KCNMB2: variants seen among roughly 807,000 people sequenced by gnomAD.
KCNMB2 encodes potassium calcium-activated channel subfamily M regulatory beta subunit 2, also known as calcium-activated potassium channel subunit beta-2.
KCNMB2 carries 9 observed loss-of-function variants against 24.5 expected under a neutral mutation model. That is an observed-to-expected ratio of 0.37 (90% CI 0.22 to 0.64). The LOEUF is 0.64. KCNMB2 is among the 30% of genes least tolerant of loss of function. The probability of loss-of-function intolerance (pLI) is 0.63; values close to 1 mark genes in which losing one functional copy is unlikely to be tolerated. For synonymous variants in KCNMB2, 109 were observed against 104.4 expected, an observed-to-expected ratio of 1.04 and a Z score of -0.27; for missense variants, 226 against 284.3, an observed-to-expected ratio of 0.79 and a Z score of 1.47.
intron 1 of KCNMB2, among the ~76,000 whole-genome samples, chr3:178,761,788 A>T (rs1288063065): frequency 6.6e-6 from 1 of 152,218 alleles, no homozygotes; most frequent in African/African-American, 2.4e-5. Context: ...AATATCACGC[A>T]TTGACCATTT....
intron 1 of KCNMB2, among the ~76,000 whole-genome samples, chr3:178,759,699 C>G (rs1205591080): frequency 2.4e-5 from 2 of 83,266 alleles, no homozygotes; most frequent in African/African-American, 3.7e-5. Context: ...TATATATACA[C>G]ATATATATAT....
chr3:178,785,859 A>C (rs1333209361), intron 1 of KCNMB2, among the ~76,000 whole-genome samples: 2 of 152,194 alleles, frequency 1.3e-5, no homozygotes, highest in African/African-American at 2.4e-5. Context: ...GTAAATAAGT[A>C]GCTACTAATA....
At chr3:178,786,581 G>A (rs1713107592) in intron 1 of KCNMB2, among the ~76,000 whole-genome samples, 1 of 152,042 alleles carries the variant, frequency 6.6e-6, no homozygotes. Flanking sequence ...CCCATTTGAT[G>A]CTTAATCTTT....
chr3:178,680,282 C>T (rs1303612500), intron 1 of KCNMB2, among the ~76,000 whole-genome samples: 1 of 152,152 alleles, frequency 6.6e-6, no homozygotes, highest in Non-Finnish European at 1.5e-5. Context: ...ACTCTACCAG[C>T]ACCTGCCTAG....
intron 1 of KCNMB2, among the ~76,000 whole-genome samples, chr3:178,779,087 AC>A (rs1167715351): frequency 6.6e-6 from 1 of 151,974 alleles, no homozygotes; most frequent in Admixed American, 6.5e-5. Flanking sequence ...CCAAGGACCA[AC>A]TCCTCCCAGA....
chr3:178,755,363 A>T (rs1394654450), intron 1 of KCNMB2, among the ~76,000 whole-genome samples: 1 of 152,216 alleles, frequency 6.6e-6, no homozygotes, highest in Non-Finnish European at 1.5e-5. Context: ...GGTGGGAAGC[A>T]CCACTGTCTT....
rs765144703 is a variant in KCNMB2, at chr3:178,825,595, T to C, written c.64T>C (p.Tyr22His). The change falls in exon 3 of 5, where the codon TAC (tyrosine) becomes CAC (histidine). Residue 22 changes from tyrosine (Y) to histidine (H), a missense_variant. Coordinates refer to ENST00000452583, the MANE Select transcript of KCNMB2 (RefSeq NM_181361.3). Reference sequence around the variant, plus strand: ...TATTGTTTTTAACCTCAGAAATATTTACCAGAAAATCAGGGACCATGACCT... The same window carrying C: ...TATTGTTTTTAACCTCAGAAATATTCACCAGAAAATCAGGGACCATGACCT... ...SYRHDEKRNI[Y>H]QKIRDHDLLD... 1.9e-6 allele frequency: 3 copies of C among 1,612,210 alleles called. No homozygotes were observed. Among genetic ancestry groups the C allele is most frequent in the East Asian group, 2.2e-5 (1 of 44,854 alleles).
Position 178,842,781 on chromosome 3 carries a change from T to G in KCNMB2, c.552T>G (p.Ser184Arg), listed in dbSNP as rs1415138058. The G allele has an allele frequency of 1.2e-5, 19 of 1,613,840 alleles. No individual in the cohort carries two copies. Among genetic ancestry groups the G allele is most frequent in the Non-Finnish European group, 1.4e-5 (16 of 1,179,860 alleles). ...CYSDPEGNQKSVILTKLYSSN... is the reference protein window; with the variant it reads ...CYSDPEGNQKRVILTKLYSSN... ...CTGACCCAGAAGGAAACCAGAAGAG[T>G]GTTATCCTAACAAAACTCTACAGTT... is the stretch of plus-strand genomic sequence containing the variant. Residue 184 changes from serine (S) to arginine (R), a missense_variant, in exon 5 of 5, where the codon AGT (serine) becomes AGG (arginine). Physicochemically the swap from Ser to Arg is moderately radical, Grantham distance 110. Transcript: ENST00000452583.
chr3:178,545,220 A>G (rs1715738029), intron 1 of KCNMB2, among the ~76,000 whole-genome samples: 1 of 152,216 alleles, frequency 6.6e-6, no homozygotes, highest in Non-Finnish European at 1.5e-5. Context: ...CATTTACAAA[A>G]TTAGTCCACA....
intron 1 of KCNMB2, among the ~76,000 whole-genome samples, chr3:178,677,686 C>T (rs1267227373): frequency 6.6e-6 from 1 of 152,202 alleles, no homozygotes; most frequent in African/African-American, 2.4e-5. Context: ...AGAGAGCAAG[C>T]TTTATTTCTT....
chr3:178,685,076 C>G (rs1431988183), intron 1 of KCNMB2, among the ~76,000 whole-genome samples: 1 of 150,588 alleles, frequency 6.6e-6, no homozygotes, highest in Non-Finnish European at 1.5e-5. Context: ...TGGACAGCTC[C>G]TCTGGGGACC....
intron 1 of KCNMB2, chr3:178,746,827 C>A (rs1577145322): frequency 6.5e-6 from 1 of 153,010 alleles, no homozygotes; most frequent in Non-Finnish European, 1.5e-5. Flanking sequence ...CAGTTCCCAA[C>A]AAGTTCCTCA....
intron 1 of KCNMB2, among the ~76,000 whole-genome samples, chr3:178,730,862 A>G (rs1723127995): frequency 6.6e-6 from 1 of 152,150 alleles, no homozygotes; most frequent in East Asian, 1.9e-4. Context: ...TCAATGCACC[A>G]TCTGCAGGGA....
intron 1 of KCNMB2, among the ~76,000 whole-genome samples, chr3:178,788,775 T>A (rs549601301): frequency 2.0e-5 from 3 of 152,306 alleles, no homozygotes; most frequent in South Asian, 4.1e-4. Context: ...ACTTATTTTA[T>A]TATTTATGAA....
At chr3:178,817,274 T>C (rs1425410611) in intron 2 of KCNMB2, among the ~76,000 whole-genome samples, 3 of 148,938 alleles carry the variant, frequency 2.0e-5, no homozygotes, top group African/African-American at 7.6e-5. Flanking sequence ...AACACATTGC[T>C]CCTGATGAAA....
At chr3:178,731,548 A>G (rs1723150411) in intron 1 of KCNMB2, among the ~76,000 whole-genome samples, 1 of 152,244 alleles carries the variant, frequency 6.6e-6, no homozygotes, top group Non-Finnish European at 1.5e-5. Context: ...ACAGACAGAC[A>G]TTATGTGTTC....
intron 1 of KCNMB2, among the ~76,000 whole-genome samples, chr3:178,596,254 C>T (rs1255742442): frequency 6.6e-6 from 1 of 152,102 alleles, no homozygotes; most frequent in African/African-American, 2.4e-5. Context: ...TTTCAATAAC[C>T]TATCCTCAAT....
intron 1 of KCNMB2, among the ~76,000 whole-genome samples, chr3:178,715,820 C>T: frequency 6.6e-6 from 1 of 152,148 alleles, no homozygotes; most frequent in East Asian, 1.9e-4. Context: ...GCTTCCCTTT[C>T]ATGGTAGGAT....
At chr3:178,720,825 GTTGT>G (rs1391490127) in intron 1 of KCNMB2, among the ~76,000 whole-genome samples, 15 of 149,938 alleles carry the variant, frequency 1.0e-4, no homozygotes, top group East Asian at 2.0e-4. Flanking sequence ...TTTTGATGGG[GTTGT>G]TTGTTTTTTT....
Sources: allele counts gnomAD v4.1 joint callset (sites outside exome capture counted in the v4.1 genomes callset), GRCh38; gene constraint gnomAD v4.1.1; transcripts MANE v1.5; gene names NCBI Gene and HGNC (gene_info 2026-07-23, HGNC 2026-07-21).